OCA2: variants seen among roughly 807,000 people sequenced by gnomAD.
OCA2 encodes the protein P protein.
In OCA2, 77 loss-of-function variants were observed where a neutral mutation model predicts 100.2. That is an observed-to-expected ratio of 0.77 (90% CI 0.64 to 0.93). The LOEUF (loss-of-function observed/expected upper bound fraction) is 0.93, where lower values mean the gene tolerates loss of function less well. OCA2 is among the 40% of genes least tolerant of loss of function. The pLI is 0.00. For synonymous variants in OCA2, 432 were observed against 439.2 expected, an observed-to-expected ratio of 0.98 and a Z score of 0.21; for missense variants, 1,062 against 1,089.1, an observed-to-expected ratio of 0.98 and a Z score of 0.35.
chr15:28,009,987 T>C (rs2042196675), intron 9 of OCA2, among the ~76,000 whole-genome samples: 1 of 152,006 alleles, frequency 6.6e-6, no homozygotes, highest in African/African-American at 2.4e-5. Flanking sequence ...AAAATTATAG[T>C]AATAAACGCT....
At chr15:27,890,268 A>G (rs2037400539) in intron 19 of OCA2, among the ~76,000 whole-genome samples, 1 of 152,252 alleles carries the variant, frequency 6.6e-6, no homozygotes, top group Admixed American at 6.5e-5. Context: ...AAAGAATTAG[A>G]GCAAGGTTAG....
chr15:27,891,545 A>G (rs1451286251), intron 19 of OCA2, among the ~76,000 whole-genome samples: 1 of 152,230 alleles, frequency 6.6e-6, no homozygotes, highest in Non-Finnish European at 1.5e-5. Context: ...AACTAAGCAC[A>G]TTCTTCTGTA....
intron 9 of OCA2, among the ~76,000 whole-genome samples, chr15:28,014,505 G>C (rs1206112315): frequency 6.6e-6 from 1 of 152,208 alleles, no homozygotes; most frequent in African/African-American, 2.4e-5. Flanking sequence ...GCAGCGGAGA[G>C]AGAGTAGAAA....
At chr15:27,900,744 T>C (rs1166320514) in intron 19 of OCA2, among the ~76,000 whole-genome samples, 1 of 152,230 alleles carries the variant, frequency 6.6e-6, no homozygotes, top group Non-Finnish European at 1.5e-5. Flanking sequence ...TGCTTCCTCA[T>C]GCTGGCAAGA....
At chr15:27,980,288 T>C (rs1445098878) in intron 14 of OCA2, among the ~76,000 whole-genome samples, 1 of 151,844 alleles carries the variant, frequency 6.6e-6, no homozygotes, top group African/African-American at 2.4e-5. Context: ...ATACCACGCC[T>C]GGCTAAGTTT....
chr15:27,811,307 A>C (rs1452608032), intron 23 of OCA2, among the ~76,000 whole-genome samples: 2 of 152,182 alleles, frequency 1.3e-5, no homozygotes, highest in East Asian at 1.9e-4. Context: ...GTGGGAGCTA[A>C]GCTTGAGTAT....
intron 21 of OCA2, among the ~76,000 whole-genome samples, chr15:27,870,786 GAA>G (rs1219483592): frequency 2.5e-4 from 22 of 86,304 alleles, no homozygotes; most frequent in African/African-American, 7.9e-4. Context: ...AAGAAAGAAA[GAA>G]AAAGAAAGAA....
intron 3 of OCA2, among the ~76,000 whole-genome samples, chr15:28,029,384 A>C (rs557454316): frequency 9.2e-5 from 14 of 152,340 alleles, no homozygotes; most frequent in Admixed American, 8.5e-4. Flanking sequence ...CTGCTGAAAA[A>C]AACACAACTG....
chr15:27,975,809 A>T (rs2140912510), intron 14 of OCA2, among the ~76,000 whole-genome samples: 1 of 152,252 alleles, frequency 6.6e-6, no homozygotes, highest in African/African-American at 2.4e-5. Flanking sequence ...GTCAATTTCT[A>T]CCCAAAGAGA....
At chr15:27,935,288 G>A (rs1003221774) in intron 18 of OCA2, among the ~76,000 whole-genome samples, 6 of 152,116 alleles carry the variant, frequency 3.9e-5, no homozygotes, top group Non-Finnish European at 8.8e-5. Flanking sequence ...CGCTTTCCTC[G>A]AGTGGGCATT....
At chr15:27,723,106 G>T in the OCA2 span, among the ~76,000 whole-genome samples, 1 of 152,156 alleles carries the variant, frequency 6.6e-6, no homozygotes, top group East Asian at 1.9e-4. Flanking sequence ...CCCTCCCAAA[G>T]TGTTGGGATT....
chr15:27,719,467 G>T, the OCA2 span, among the ~76,000 whole-genome samples: 30 of 152,118 alleles, frequency 2.0e-4, no homozygotes, highest in East Asian at 9.7e-4. Flanking sequence ...ACGAACTTGC[G>T]GGGGGGACCA....
chr15:27,756,191 G>T (rs529973681), intron 23 of OCA2, among the ~76,000 whole-genome samples: 18 of 152,346 alleles, frequency 1.2e-4, no homozygotes, highest in Admixed American at 3.9e-4. Context: ...GTGCTGCCTG[G>T]TCACTAAGGG....
intron 19 of OCA2, among the ~76,000 whole-genome samples, chr15:27,879,976 A>T (rs7403465): frequency 0.79 from 119,886 of 152,202 alleles, 48,304 homozygotes; most frequent in East Asian, 1. Context: ...AGGATTTGTA[A>T]AATTTTGGGT....
chr15:28,056,950 T>G lies in OCA2; in HGVS notation c.227+24698A>C, dbSNP rs375602536. ...CCTGCCTCTGGTGCATGTGTGACCTTGGGCAGTCGGTGCACCCTCTCAGGC... is the reference window on the plus strand; with the variant it reads ...CCTGCCTCTGGTGCATGTGTGACCTGGGGCAGTCGGTGCACCCTCTCAGGC... On this transcript the variant is annotated intron_variant, in intron 2 of 23. Transcript: ENST00000354638. Among the ~76,000 whole-genome samples, 437 of 152,342 alleles carry G rather than the reference T, an allele frequency of 2.9e-3. 2 individuals carry two copies. Among genetic ancestry groups the G allele is most frequent in the African/African-American group, 0.01 (420 of 41,582 alleles).
chr15:27,903,557 A>C (rs1457753394), intron 19 of OCA2, among the ~76,000 whole-genome samples: 1 of 152,132 alleles, frequency 6.6e-6, no homozygotes, highest in East Asian at 1.9e-4. Flanking sequence ...TACTGAGAAG[A>C]AAACCCTGGA....
intron 23 of OCA2, among the ~76,000 whole-genome samples, chr15:27,773,810 C>T (rs1031234534): frequency 6.6e-6 from 1 of 152,210 alleles, no homozygotes; most frequent in Non-Finnish European, 1.5e-5. Flanking sequence ...AAAGCTTTGT[C>T]ATTGACTATT....
At chr15:27,883,266 G>T (rs919247137) in intron 19 of OCA2, among the ~76,000 whole-genome samples, 15 of 152,222 alleles carry the variant, frequency 9.9e-5, no homozygotes, top group African/African-American at 3.1e-4. Context: ...CCCCGAGAGG[G>T]TCCCTTCTCC....
chr15:27,764,956 G>A (rs1057358468), intron 23 of OCA2, among the ~76,000 whole-genome samples: 3 of 152,222 alleles, frequency 2.0e-5, no homozygotes, highest in African/African-American at 7.2e-5. Context: ...GATATTTTGT[G>A]TAGATATTTC....
Sources: gnomAD v4.1 joint callset for allele counts (sites outside exome capture counted in the v4.1 genomes callset) on GRCh38, gnomAD v4.1.1 for gene constraint, MANE v1.5 for transcripts, NCBI Gene and HGNC (gene_info 2026-07-23, HGNC 2026-07-21) for gene names.